KLHL29: variants seen among roughly 807,000 people sequenced by gnomAD.
KLHL29 encodes the protein kelch like family member 29, also known as kelch-like protein 29.
A neutral mutation model predicts 80.4 loss-of-function variants in KLHL29; 21 were observed. The ratio of observed to expected loss-of-function variants is 0.26; its 90% CI spans 0.19 to 0.38. The LOEUF (loss-of-function observed/expected upper bound fraction) is 0.38. KLHL29 is among the 10% of genes least tolerant of loss of function. The pLI is 1.00. For missense variants in KLHL29, 867 were observed against 1,223.9 expected, an observed-to-expected ratio of 0.71 and a Z score of 4.35; for synonymous variants, 511 against 526.8, an observed-to-expected ratio of 0.97 and a Z score of 0.41.
chr2:23,477,051 C>T (rs1664659938), intron 2 of KLHL29, among the ~76,000 whole-genome samples: 1 of 152,248 alleles, frequency 6.6e-6, no homozygotes, highest in Non-Finnish European at 1.5e-5. Flanking sequence ...CAGTGGAGGC[C>T]CAGCTGGCCC....
intron 3 of KLHL29, among the ~76,000 whole-genome samples, chr2:23,581,155 A>G (rs1416512665): frequency 6.6e-6 from 1 of 151,808 alleles, no homozygotes; most frequent in Non-Finnish European, 1.5e-5. Context: ...AAACAATGAC[A>G]TCTTCTGGTT....
At chr2:23,484,160 T>C (rs1299380049) in intron 2 of KLHL29, among the ~76,000 whole-genome samples, 1 of 152,166 alleles carries the variant, frequency 6.6e-6, no homozygotes, top group Non-Finnish European at 1.5e-5. Flanking sequence ...AGAATGACCA[T>C]CGCAGGCTGG....
In KLHL29 at chr2:23,562,815, A is replaced by C. The variant is rs544441091; in HGVS notation, c.285+334A>C. Among the ~76,000 whole-genome samples the C allele has an allele frequency of 6.6e-6, 1 of 152,218 alleles. No individual in the cohort carries two copies. Among genetic ancestry groups the C allele is most frequent in the African/African-American group, 2.4e-5 (1 of 41,536 alleles). ...GCAATATGGGGTTCCTAAATAGATAAATTGAGACCATGCAAGCATCCCTGG... is the reference window on the plus strand; with the variant it reads ...GCAATATGGGGTTCCTAAATAGATACATTGAGACCATGCAAGCATCCCTGG... On this transcript the variant is annotated intron_variant, in intron 3 of 13. Coordinates refer to ENST00000486442, the MANE Select transcript of KLHL29 (RefSeq NM_052920.2). The surrounding 1 kb of genome is among the most constrained non-coding windows in gnomAD (Gnocchi z 4.5).
chr2:23,481,996 A>G (rs1664809777), intron 2 of KLHL29, among the ~76,000 whole-genome samples: 1 of 151,992 alleles, frequency 6.6e-6, no homozygotes, highest in South Asian at 2.1e-4. Flanking sequence ...AACGATGGTC[A>G]CCAAAGCGCC....
intron 3 of KLHL29, among the ~76,000 whole-genome samples, chr2:23,571,685 G>A (rs79979200): frequency 7.9e-5 from 12 of 152,156 alleles, no homozygotes; most frequent in Non-Finnish European, 1.0e-4. Flanking sequence ...AGACATTGTC[G>A]TGACTGGATA....
Position 23,410,114 on chromosome 2 carries a change from G to A in KLHL29, c.-154+24334G>A, listed in dbSNP as rs541904560. Reference sequence around the variant, plus strand: ...GAGGCCATGCAGGGTTTGTCTAGCCGCATAAGTATGCTGTGTCTTTATTGC... The same window carrying A: ...GAGGCCATGCAGGGTTTGTCTAGCCACATAAGTATGCTGTGTCTTTATTGC... On this transcript the variant is annotated intron_variant, in intron 1 of 13. Transcript: ENST00000486442. Among the ~76,000 whole-genome samples the A allele has an allele frequency of 3.1e-4, 47 of 152,290 alleles. No individual in the cohort carries two copies. In the South Asian group the frequency reaches 4.4e-3, roughly 14 times the overall value.
chr2:23,706,673 G>A lies in KLHL29; in HGVS notation c.*9G>A, dbSNP rs888323664. On this transcript the variant is annotated 3_prime_UTR_variant, in exon 14 of 14. Transcript: ENST00000486442. ...ATATTCAAAGCGGCTGACATCAGCA[G>A]AAAGCCCACGATAAGACTGTGGACA... 3.3e-6 allele frequency: 5 copies of A among 1,513,274 alleles called. No homozygotes were observed. The African/African-American group carries it at 6.9e-5, about 21-fold the overall frequency. 93.7% of individuals were successfully genotyped at this position (1,513,274 alleles called of 1,614,324 possible). A position where few individuals can be genotyped will look rare whatever the true frequency, so the allele number is the denominator to read the frequency against.
intron 2 of KLHL29, among the ~76,000 whole-genome samples, chr2:23,482,267 A>G (rs375707245): frequency 6.6e-6 from 1 of 152,230 alleles, no homozygotes; most frequent in African/African-American, 2.4e-5. Context: ...CACCTGGGCT[A>G]GAAATAGCTT....
In KLHL29 at chr2:23,680,605, T is replaced by C. The variant is rs956897855; in HGVS notation, c.941-3794T>C. On this transcript the variant is annotated intron_variant, in intron 5 of 13. Coordinates refer to ENST00000486442, the MANE Select transcript of KLHL29 (RefSeq NM_052920.2). The surrounding 1 kb of genome is among the most constrained non-coding windows in gnomAD (Gnocchi z 4.1). ...CTCGCCAGACCCCACCGAGCCTCCA[T>C]GCAGGGAGGGTCATGGGCTCTCTAG... 6.7e-6 allele frequency among the ~76,000 whole-genome samples: 1 copy of C among 150,182 alleles called. No homozygotes were observed. The highest frequency in any genetic ancestry group is 2.4e-5 in the African/African-American group (1 of 40,984).
chr2:23,532,307 T>A (rs1473933942), intron 2 of KLHL29, among the ~76,000 whole-genome samples: 1 of 152,230 alleles, frequency 6.6e-6, no homozygotes, highest in African/African-American at 2.4e-5. Flanking sequence ...ATTAACTCCC[T>A]GTAATGGCCT....
chr2:23,593,221 G>A (rs980542941), intron 3 of KLHL29, among the ~76,000 whole-genome samples: 10 of 152,176 alleles, frequency 6.6e-5, no homozygotes, highest in African/African-American at 2.2e-4. Context: ...GACTGTCCAG[G>A]ACTTCTAATG....
chr2:23,649,551 G>T (rs568457494), intron 5 of KLHL29, among the ~76,000 whole-genome samples: 1 of 152,216 alleles, frequency 6.6e-6, no homozygotes, highest in Non-Finnish European at 1.5e-5. Context: ...ACCCCTGGCT[G>T]CCCCAGCCTG....
chr2:23,628,052 ACAGGT>A (rs1364485262), intron 3 of KLHL29, among the ~76,000 whole-genome samples: 1 of 151,846 alleles, frequency 6.6e-6, no homozygotes, highest in African/African-American at 2.4e-5. Context: ...AGCTGGGATT[ACAGGT>A]GCCTGCCACT....
At chr2:23,601,102 G>A in intron 3 of KLHL29, among the ~76,000 whole-genome samples, 1 of 152,060 alleles carries the variant, frequency 6.6e-6, no homozygotes, top group East Asian at 1.9e-4. Flanking sequence ...TTGAAATTGG[G>A]GTCTATCCTG....
At chr2:23,480,413 G>A (rs1664766200) in intron 2 of KLHL29, among the ~76,000 whole-genome samples, 1 of 152,126 alleles carries the variant, frequency 6.6e-6, no homozygotes, top group Non-Finnish European at 1.5e-5. Context: ...CTTGAAAGTG[G>A]GAGGTGGAGG....
chr2:23,593,651 C>A (rs1434261195), intron 3 of KLHL29, among the ~76,000 whole-genome samples: 1 of 152,164 alleles, frequency 6.6e-6, no homozygotes, highest in East Asian at 1.9e-4. Context: ...GGGTCAGGAC[C>A]AGGGTGGTCC....
chr2:23,483,482 G>A (rs913877635), intron 2 of KLHL29, among the ~76,000 whole-genome samples: 1 of 152,162 alleles, frequency 6.6e-6, no homozygotes, highest in African/African-American at 2.4e-5. Context: ...AAGCTCACAG[G>A]GCATTGGCCA....
At chr2:23,542,459 T>A (rs1287341584) in intron 2 of KLHL29, among the ~76,000 whole-genome samples, 1 of 152,216 alleles carries the variant, frequency 6.6e-6, no homozygotes, top group African/African-American at 2.4e-5. Context: ...TCTCTTGTTC[T>A]GTTTCCATGG....
chr2:23,572,504 A>T (rs1222553908), intron 3 of KLHL29, among the ~76,000 whole-genome samples: 1 of 152,232 alleles, frequency 6.6e-6, no homozygotes, highest in African/African-American at 2.4e-5. Context: ...TGTAAAAGTC[A>T]GCTGCCCGTG....
Sources: allele counts gnomAD v4.1 joint callset (sites outside exome capture counted in the v4.1 genomes callset), GRCh38; gene constraint gnomAD v4.1.1; non-coding constraint Gnocchi (gnomAD v3.1); transcripts MANE v1.5; gene names NCBI Gene and HGNC (gene_info 2026-07-23, HGNC 2026-07-21).